The following MRTFA variants were observed in gnomAD, a reference collection of about 807,000 sequenced individuals.
The protein encoded by MRTFA is myocardin related transcription factor A, also known as myocardin-related transcription factor A.
Under a neutral mutation model 83.5 loss-of-function variants are expected in MRTFA, and 20 were observed. The ratio of observed to expected loss-of-function variants is 0.24; its 90% CI spans 0.17 to 0.35. The LOEUF is 0.35. Ranked by LOEUF, MRTFA falls within the 10% of genes least tolerant of loss-of-function variation. MRTFA has a pLI of 1.00. For missense variants in MRTFA, 1,200 were observed against 1,224.7 expected (o/e 0.98, Z 0.30); for synonymous variants, 659 against 541.2 (o/e 1.22, Z -3.02).
chr22:40,443,637 A>G (rs2053322117), intron 4 of MRTFA, among the ~76,000 whole-genome samples: 2 of 152,158 alleles, frequency 1.3e-5, no homozygotes, highest in African/African-American at 4.8e-5. Flanking sequence ...ACTTTTAGAT[A>G]CTTGTTCTAC....
chr22:40,477,226 T>TA (rs2054013624), intron 3 of MRTFA, among the ~76,000 whole-genome samples: 1 of 149,158 alleles, frequency 6.7e-6, no homozygotes, highest in Non-Finnish European at 1.5e-5. Context: ...GGCGGGCACT[T>TA]GTAATCCCAG....
intron 3 of MRTFA, among the ~76,000 whole-genome samples, chr22:40,506,356 C>A (rs2054580834): frequency 6.6e-6 from 1 of 152,180 alleles, no homozygotes; most frequent in African/African-American, 2.4e-5. Flanking sequence ...AACTTCCCCA[C>A]AAAAATGATC....
chr22:40,436,009 C>G (rs190766887), intron 4 of MRTFA, among the ~76,000 whole-genome samples: 45 of 152,066 alleles, frequency 3.0e-4, no homozygotes, highest in African/African-American at 1.1e-3. Context: ...GCAATGACAC[C>G]TGAGTAAGCA....
intron 2 of MRTFA, among the ~76,000 whole-genome samples, chr22:40,557,894 C>T (rs977343435): frequency 4.6e-5 from 7 of 152,168 alleles, no homozygotes; most frequent in African/African-American, 1.4e-4. Flanking sequence ...CTGCCTCAGC[C>T]TCCCGAGTAA....
At chr22:40,534,713 G>A (rs766947437) in intron 3 of MRTFA, among the ~76,000 whole-genome samples, 1 of 152,200 alleles carries the variant, frequency 6.6e-6, no homozygotes, top group East Asian at 1.9e-4. Flanking sequence ...ATGATATTAA[G>A]ATTACTTTCA....
At chr22:40,414,964 T>C (rs2052647813) in intron 14 of MRTFA, 1 of 151,944 alleles carries the variant, frequency 6.6e-6, no homozygotes, top group African/African-American at 2.4e-5. Context: ...ATGCACTCTT[T>C]GCCCTGCAGC....
chr22:40,460,833 T>C (rs73167058), intron 4 of MRTFA, among the ~76,000 whole-genome samples: 12,451 of 152,232 alleles, frequency 0.082, 796 homozygotes, highest in East Asian at 0.24. Context: ...AGGTAAATAG[T>C]CTGGCAGTGA....
chr22:40,622,410 G>A (rs992476007), intron 1 of MRTFA, among the ~76,000 whole-genome samples: 10 of 150,090 alleles, frequency 6.7e-5, no homozygotes, highest in Non-Finnish European at 1.0e-4. Flanking sequence ...AAACCTGGGA[G>A]GCAGAGGTTG....
intron 1 of MRTFA, among the ~76,000 whole-genome samples, chr22:40,595,435 A>T (rs954605284): frequency 6.6e-6 from 1 of 152,024 alleles, no homozygotes; most frequent in Admixed American, 6.6e-5. Context: ...AATGCCTTTT[A>T]AATAAACATA....
At chr22:40,552,965 G>T (rs2055465225) in intron 2 of MRTFA, among the ~76,000 whole-genome samples, 1 of 152,156 alleles carries the variant, frequency 6.6e-6, no homozygotes. Context: ...ATAGTGGTAT[G>T]GACAATGAAG....
At chr22:40,514,547 G>A (rs940223227) in intron 3 of MRTFA, among the ~76,000 whole-genome samples, 1 of 147,488 alleles carries the variant, frequency 6.8e-6, no homozygotes, top group Non-Finnish European at 1.5e-5. Flanking sequence ...TGAACTTGGT[G>A]CACTGCAAGC....
chr22:40,501,930 T>G (rs372125530), intron 3 of MRTFA, among the ~76,000 whole-genome samples: 1 of 75,140 alleles, frequency 1.3e-5, no homozygotes, highest in Admixed American at 1.1e-4. Context: ...TAGGGGCGGC[T>G]GGGCAGAGGC....
intron 3 of MRTFA, among the ~76,000 whole-genome samples, chr22:40,533,415 G>A (rs2055115751): frequency 6.6e-6 from 1 of 152,074 alleles, no homozygotes; most frequent in Non-Finnish European, 1.5e-5. Context: ...AGAATAACTA[G>A]AATTTGCAAT....
intron 3 of MRTFA, among the ~76,000 whole-genome samples, chr22:40,495,246 C>T (rs1255580268): frequency 6.6e-6 from 1 of 151,768 alleles, no homozygotes; most frequent in Non-Finnish European, 1.5e-5. Flanking sequence ...TTAAAAAGTA[C>T]ACCGTCTCGA....
rs546224969 is a variant in MRTFA at position 40,614,768 on chromosome 22, T to C, written c.-83-20033A>G. On this transcript the variant is annotated intron_variant, in intron 1 of 14. Coordinates refer to ENST00000355630, the MANE Select transcript of MRTFA (RefSeq NM_020831.6). Reference sequence around the variant, plus strand: ...TCCCAAAGTGCTGGGATTACAGGCATGAGCTGCAGCGCCTGGCCCATAAAT... The same window carrying C: ...TCCCAAAGTGCTGGGATTACAGGCACGAGCTGCAGCGCCTGGCCCATAAAT... Among the ~76,000 whole-genome samples the C allele has an allele frequency of 2.0e-5, 3 of 152,344 alleles. No homozygotes were observed. The South Asian group carries it at 6.2e-4, about 32-fold the overall frequency.
At chr22:40,566,223 ATT>A (rs372874080) in intron 2 of MRTFA, among the ~76,000 whole-genome samples, 8 of 143,104 alleles carry the variant, frequency 5.6e-5, no homozygotes, top group Admixed American at 7.0e-5. Context: ...CTGATTTATC[ATT>A]TTTTTTTTTT....
intron 2 of MRTFA, among the ~76,000 whole-genome samples, chr22:40,592,492 CTTTT>C (rs978906466): frequency 3.4e-4 from 44 of 130,070 alleles, no homozygotes; most frequent in Admixed American, 5.4e-4. Context: ...TTTTTTTTTT[CTTTT>C]TTTTTTTTTG....
In MRTFA at chr22:40,536,588, C is replaced by T. The variant is rs1342786320; in HGVS notation, c.241+15518G>A. ...CCATCGTCTGGGATGTGAGGAGCCC[C>T]TCTGCCTGGCTGCCCAGTCTGGAAA... On this transcript the variant is annotated intron_variant, in intron 3 of 14. Transcript: ENST00000355630. Among the ~76,000 whole-genome samples, 57 of 93,862 alleles carry T rather than the reference C, an allele frequency of 6.1e-4. No homozygotes were observed. The East Asian group carries it at 0.018, about 29-fold the overall frequency. 61.6% of individuals were successfully genotyped at this position (93,862 alleles called of 152,430 possible). A position where few individuals can be genotyped will look rare whatever the true frequency, so the allele number is the denominator to read the frequency against.
At chr22:40,627,659 T>G (rs915688518) in intron 1 of MRTFA, among the ~76,000 whole-genome samples, 7 of 152,188 alleles carry the variant, frequency 4.6e-5, no homozygotes, top group Admixed American at 2.6e-4. Context: ...TACATCATGG[T>G]AGGAAGCCAG....
Sources: gnomAD v4.1 joint callset for allele counts (sites outside exome capture counted in the v4.1 genomes callset) on GRCh38, gnomAD v4.1.1 for gene constraint, MANE v1.5 for transcripts, NCBI Gene and HGNC (gene_info 2026-07-23, HGNC 2026-07-21) for gene names.